The following CSMD1 variants were observed in gnomAD, a reference collection of about 807,000 sequenced individuals.
CSMD1 encodes the protein CUB and sushi domain-containing protein 1.
A neutral mutation model predicts 417.5 loss-of-function variants in CSMD1; 213 were observed. The ratio of observed to expected loss-of-function variants is 0.51; its 90% CI spans 0.46 to 0.57. The LOEUF (loss-of-function observed/expected upper bound fraction) is 0.57, where lower values mean the gene tolerates loss of function less well. Among genes scored for constraint, CSMD1 ranks in the 20% least tolerant of loss-of-function variants. The pLI, the probability that CSMD1 is intolerant of heterozygous loss-of-function variation, is 0.00. For missense variants in CSMD1, 6,923 were observed against 4,529.7 expected (o/e 1.53, Z -15.17); for synonymous variants, 2,862 against 1,736.8 (o/e 1.65, Z -16.11).
rs149053205 is a variant in CSMD1, at chr8:4,273,352, C to T, written c.415+146601G>A. On this transcript the variant is annotated intron_variant, in intron 3 of 69. Transcript: ENST00000635120. Reference sequence around the variant, plus strand: ...GAAAGTGCTATTCCATTCATATTTACGGGTAATTCGAGAAATGGATGGGTT... The same window carrying T: ...GAAAGTGCTATTCCATTCATATTTATGGGTAATTCGAGAAATGGATGGGTT... 3.2e-4 allele frequency among the ~76,000 whole-genome samples: 48 copies of T among 152,154 alleles called. No individual in the cohort carries two copies. The East Asian group carries it at 7.7e-3, about 25-fold the overall frequency.
intron 2 of CSMD1, among the ~76,000 whole-genome samples, chr8:4,486,892 G>C (rs1801443623): frequency 6.6e-6 from 1 of 152,096 alleles, no homozygotes; most frequent in African/African-American, 2.4e-5. Context: ...TAAAAAGCAA[G>C]AAGAAGGGGG....
chr8:4,902,122 C>A (rs1021588664), intron 1 of CSMD1, among the ~76,000 whole-genome samples: 1 of 151,850 alleles, frequency 6.6e-6, no homozygotes, highest in African/African-American at 2.4e-5. Flanking sequence ...AACTATATAT[C>A]AATGAAGTTT....
At chr8:3,722,412 A>C (rs772422647) in intron 6 of CSMD1, among the ~76,000 whole-genome samples, 2 of 152,212 alleles carry the variant, frequency 1.3e-5, no homozygotes, top group Non-Finnish European at 2.9e-5. Flanking sequence ...AGAAATCAAC[A>C]TATAATTAAA....
intron 3 of CSMD1, among the ~76,000 whole-genome samples, chr8:4,063,208 T>A (rs1478966783): frequency 6.6e-6 from 1 of 152,148 alleles, no homozygotes; most frequent in Non-Finnish European, 1.5e-5. Context: ...GATTTGATCA[T>A]GAGACTTTGT....
At chr8:3,699,415 G>A (rs1454708196) in intron 7 of CSMD1, among the ~76,000 whole-genome samples, 2 of 152,186 alleles carry the variant, frequency 1.3e-5, no homozygotes, top group Non-Finnish European at 2.9e-5. Context: ...AATGGGCACA[G>A]TTTTCTCTTA....
At chr8:3,741,236 A>C (rs1226886898) in intron 6 of CSMD1, among the ~76,000 whole-genome samples, 2 of 142,664 alleles carry the variant, frequency 1.4e-5, no homozygotes, top group East Asian at 2.1e-4. Flanking sequence ...AAAAAAAAAA[A>C]AAAAACATAC....
chr8:3,462,571 C>T (rs986119267), intron 12 of CSMD1, among the ~76,000 whole-genome samples: 2 of 152,150 alleles, frequency 1.3e-5, no homozygotes, highest in African/African-American at 2.4e-5. Context: ...CTCCCATCAC[C>T]CAGATGGGAC....
chr8:4,513,500 A>G (rs567135965), intron 2 of CSMD1, among the ~76,000 whole-genome samples: 1 of 152,348 alleles, frequency 6.6e-6, no homozygotes, highest in Non-Finnish European at 1.5e-5. Context: ...TCGGACTGTA[A>G]CATTTACTCT....
intron 18 of CSMD1, among the ~76,000 whole-genome samples, chr8:3,375,791 C>G (rs911572542): frequency 3.3e-5 from 5 of 152,084 alleles, no homozygotes; most frequent in African/African-American, 1.2e-4. Context: ...TGCCTATGGC[C>G]ATAGACCAGC....
chr8:3,591,508 G>C (rs1044592734), intron 8 of CSMD1, among the ~76,000 whole-genome samples: 12 of 152,102 alleles, frequency 7.9e-5, no homozygotes, highest in Non-Finnish European at 1.3e-4. Flanking sequence ...AATAATTTGA[G>C]GTGACTCGAA....
chr8:4,014,125 A>C (rs1395378475), intron 4 of CSMD1, among the ~76,000 whole-genome samples: 1 of 152,318 alleles, frequency 6.6e-6, no homozygotes, highest in East Asian at 1.9e-4. Context: ...AAGAAATGCA[A>C]GTATCAAAAG....
At chr8:4,125,299 G>A (rs1043285861) in intron 3 of CSMD1, among the ~76,000 whole-genome samples, 1 of 152,162 alleles carries the variant, frequency 6.6e-6, no homozygotes, top group Non-Finnish European at 1.5e-5. Context: ...AATCTGACTG[G>A]CTTCTTTGGA....
At chr8:3,284,115 G>A (rs1802955132) in intron 26 of CSMD1, 29 bp downstream of exon 26, 3 of 1,512,248 alleles carry the variant, frequency 2.0e-6, no homozygotes, top group Non-Finnish European at 2.7e-6. Context: ...TGATATCAAG[G>A]TAAAGAAGAA....
chr8:4,202,755 G>T (rs932701618), intron 3 of CSMD1, among the ~76,000 whole-genome samples: 4 of 152,160 alleles, frequency 2.6e-5, no homozygotes, highest in Admixed American at 6.5e-5. Context: ...TACAAAGGGA[G>T]AAAATGATAG....
At chr8:3,804,296 A>G (rs1426140125) in intron 5 of CSMD1, among the ~76,000 whole-genome samples, 2 of 152,198 alleles carry the variant, frequency 1.3e-5, no homozygotes, top group Non-Finnish European at 1.5e-5. Context: ...ACTAAAATAA[A>G]TAATTTTTTT....
chr8:4,805,681 T>A (rs140708178), intron 1 of CSMD1, among the ~76,000 whole-genome samples: 2 of 152,186 alleles, frequency 1.3e-5, no homozygotes, highest in Non-Finnish European at 2.9e-5. Context: ...ATAAAATACT[T>A]TGCATGCAGA....
chr8:3,262,332 A>C (rs927004189), intron 26 of CSMD1, among the ~76,000 whole-genome samples: 22 of 150,750 alleles, frequency 1.5e-4, no homozygotes, highest in African/African-American at 5.3e-4. Context: ...ATAGAAGGCA[A>C]TATGAATCTC....
intron 5 of CSMD1, among the ~76,000 whole-genome samples, chr8:3,841,816 T>A (rs913408887): frequency 6.6e-6 from 1 of 151,386 alleles, no homozygotes; most frequent in Admixed American, 6.6e-5. Flanking sequence ...ATGATCTGTG[T>A]TCAAAGCACC....
At chr8:3,254,719 C>A (rs1036395086) in intron 26 of CSMD1, among the ~76,000 whole-genome samples, 1 of 152,134 alleles carries the variant, frequency 6.6e-6, no homozygotes, top group Non-Finnish European at 1.5e-5. Flanking sequence ...TTTTCAGCTC[C>A]GTCAGGTCCT....
Sources: allele counts gnomAD v4.1 joint callset (sites outside exome capture counted in the v4.1 genomes callset), GRCh38; gene constraint gnomAD v4.1.1; transcripts MANE v1.5; gene names NCBI Gene and HGNC (gene_info 2026-07-23, HGNC 2026-07-21).